FOXP4: variants seen among roughly 807,000 people sequenced by gnomAD.
FOXP4 encodes forkhead box protein P4.
In FOXP4, 25 loss-of-function variants were observed where a neutral mutation model predicts 82.6. The ratio of observed to expected loss-of-function variants is 0.30; its 90% CI spans 0.22 to 0.42. The LOEUF (loss-of-function observed/expected upper bound fraction) is 0.42. FOXP4 is among the 10% of genes least tolerant of loss of function. FOXP4 has a pLI of 1.00. For missense variants in FOXP4, 785 were observed against 900.9 expected (o/e 0.87, Z 1.65); for synonymous variants, 415 against 388.2 (o/e 1.07, Z -0.81).
intron 2 of FOXP4, among the ~76,000 whole-genome samples, chr6:41,568,583 G>A (rs1228024047): frequency 6.6e-6 from 1 of 152,196 alleles, no homozygotes; most frequent in Non-Finnish European, 1.5e-5. Context: ...GAAAAGCAAC[G>A]CTGCCCGCTG....
rs2127292353 is a variant in FOXP4 at position 41,546,809 on chromosome 6, C to A, written c.-75C>A. The A allele has an allele frequency of 6.7e-6, 1 of 148,578 alleles. No homozygotes were observed. Among genetic ancestry groups the A allele is most frequent in the Non-Finnish European group, 1.5e-5 (1 of 66,728 alleles). 9.2% of individuals were successfully genotyped at this position (148,578 alleles called of 1,614,324 possible). A position where few individuals can be genotyped will look rare whatever the true frequency, so the allele number is the denominator to read the frequency against. ...GGGCCCGGGCTGCGACCGGAGCGAG[C>A]CCCATGCCCCGCGCGGGCTGACGGG... is the stretch of plus-strand genomic sequence containing the variant. On this transcript the variant is annotated 5_prime_UTR_variant, in exon 1 of 17. Transcript: ENST00000307972.
chr6:41,571,049 C>G (rs1765171272), intron 2 of FOXP4, among the ~76,000 whole-genome samples: 1 of 152,202 alleles, frequency 6.6e-6, no homozygotes, highest in Non-Finnish European at 1.5e-5. Flanking sequence ...CCAGAGAACT[C>G]CACAGATACT....
intron 2 of FOXP4, among the ~76,000 whole-genome samples, chr6:41,573,701 C>T (rs1765323731): frequency 6.6e-6 from 1 of 152,188 alleles, no homozygotes; most frequent in Admixed American, 6.5e-5. Flanking sequence ...CACAGTCCCA[C>T]ATGCTGTTCC....
chr6:41,597,616 T>C (rs1289371011), intron 15 of FOXP4, among the ~76,000 whole-genome samples, 165 bp from the exon 16 acceptor site: 2 of 151,832 alleles, frequency 1.3e-5, no homozygotes, highest in Non-Finnish European at 2.9e-5. Flanking sequence ...GGTGCTACAT[T>C]CAAAGGCTGA....
rs1380744901 is a variant in FOXP4, at chr6:41,565,873, C to T, written c.113C>T (p.Thr38Ile). 6.2e-7 allele frequency: 1 copy of T among 1,613,980 alleles called. No individual in the cohort carries two copies. The highest frequency in any genetic ancestry group is 8.5e-7 in the Non-Finnish European group (1 of 1,180,030). Residue 38 changes from threonine to isoleucine, a missense_variant, in exon 2 of 17, where the codon ACT (threonine) becomes ATT (isoleucine). Around this residue, in one of 3 missense-constraint regions of FOXP4, gnomAD observed 570 missense variants for 634.0 expected, o/e 0.90. Coordinates refer to ENST00000307972, the MANE Select transcript of FOXP4 (RefSeq NM_001012426.2). ...AGCAGCGGCGGGGCCACAGGGACAA[C>T]TGCAAGTGGCACGGGCAGGGAAGTG... is the stretch of plus-strand genomic sequence containing the variant. ...DGSSGGATGT[T>I]ASGTGREVTT...
intron 1 of FOXP4, among the ~76,000 whole-genome samples, chr6:41,557,774 T>G (rs1204521589): frequency 1.3e-5 from 2 of 152,130 alleles, no homozygotes; most frequent in Non-Finnish European, 2.9e-5. Context: ...GGATTATGAG[T>G]ACTCTATTTT....
intron 14 of FOXP4, 149 bp from the exon 15 acceptor site, chr6:41,597,027 C>T (rs1297789420): frequency 1.3e-6 from 1 of 789,578 alleles, no homozygotes. Context: ...ACACACACAG[C>T]TCCAAGACAG....
At chr6:41,594,739 C>G (rs1450013023) in intron 13 of FOXP4, 131 bp from the exon 14 acceptor site, 2 of 1,399,274 alleles carry the variant, frequency 1.4e-6, no homozygotes, top group Non-Finnish European at 1.9e-6. Flanking sequence ...CAGCCCACCC[C>G]CCTCCCCTGC....
At position 41,558,784 on chromosome 6, in the gene FOXP4, A is replaced by T. The variant is rs764344091; in HGVS notation, c.-16-6961A>T. Among the ~76,000 whole-genome samples, 13 of 152,162 alleles carry T rather than the reference A, an allele frequency of 8.5e-5. No homozygotes were observed. Among genetic ancestry groups the T allele is most frequent in the Admixed American group, 1.3e-4 (2 of 15,276 alleles). On this transcript the variant is annotated intron_variant, in intron 1 of 16. Transcript: ENST00000307972. The surrounding 1 kb of genome is among the most constrained non-coding windows in gnomAD (Gnocchi z 4.0). ...CTGGTCCCTGGGACTTTGGATTGGG[A>T]AGCATCCTGCAGTTACTTGTAGGGC...
intron 5 of FOXP4, among the ~76,000 whole-genome samples, chr6:41,586,742 G>A (rs1766147609): frequency 6.6e-6 from 1 of 152,238 alleles, no homozygotes; most frequent in African/African-American, 2.4e-5. Flanking sequence ...GAGGCGGGAG[G>A]AGGGAGGGCG....
rs1486688348 is a variant in FOXP4, at chr6:41,595,003, C to T, written c.1658+12C>T. ...CCAAAGATGACAGGGTATGTGGGTCCAGAGCTGGATGGGCTGTACCTGCCC... is the reference window on the plus strand; with the variant it reads ...CCAAAGATGACAGGGTATGTGGGTCTAGAGCTGGATGGGCTGTACCTGCCC... On this transcript the variant is annotated intron_variant, in intron 14 of 16. Coordinates refer to ENST00000307972, the MANE Select transcript of FOXP4 (RefSeq NM_001012426.2). 2.5e-6 allele frequency: 4 copies of T among 1,613,738 alleles called. No individual in the cohort carries two copies. The highest frequency in any genetic ancestry group is 1.7e-5 in the Admixed American group (1 of 59,996).
At chr6:41,567,965 AC>A (rs927234064) in intron 2 of FOXP4, among the ~76,000 whole-genome samples, 13 of 152,332 alleles carry the variant, frequency 8.5e-5, no homozygotes, top group African/African-American at 2.9e-4. Context: ...CATATTTGAG[AC>A]TTAAAAAAGG....
chr6:41,574,179 A>G (rs779064541), intron 2 of FOXP4, among the ~76,000 whole-genome samples: 14 of 152,050 alleles, frequency 9.2e-5, no homozygotes, highest in Non-Finnish European at 1.3e-4. Flanking sequence ...CACCTCCACC[A>G]TCTTCACTTC....
intron 10 of FOXP4, 51 bp from the exon 11 acceptor site, chr6:41,589,912 G>A (rs780333802): frequency 8.7e-6 from 14 of 1,609,198 alleles, no homozygotes; most frequent in Admixed American, 3.3e-5. Context: ...CTGGAGCCTC[G>A]GGACCCCCAC....
At chr6:41,598,741 G>A in intron 16 of FOXP4, 48 bp from the exon 17 acceptor site, 3 of 1,548,654 alleles carry the variant, frequency 1.9e-6, no homozygotes, top group Non-Finnish European at 2.6e-6. Context: ...GGGGGCAGAG[G>A]GCATCAGAGG....
intron 4 of FOXP4, 111 bp from the exon 5 acceptor site, chr6:41,585,320 C>T (rs1473137069): frequency 9.0e-7 from 1 of 1,116,700 alleles, no homozygotes; most frequent in African/African-American, 1.6e-5. Flanking sequence ...AAAGCCAGAC[C>T]ATGTTTTAGG....
At chr6:41,581,885 C>A (rs1219430928) in intron 3 of FOXP4, among the ~76,000 whole-genome samples, 1 of 152,230 alleles carries the variant, frequency 6.6e-6, no homozygotes, top group African/African-American at 2.4e-5. Flanking sequence ...AAGGAAAGGC[C>A]ACATCCTTTT....
intron 2 of FOXP4, among the ~76,000 whole-genome samples, chr6:41,573,121 C>T (rs1765290117): frequency 6.6e-6 from 1 of 152,122 alleles, no homozygotes; most frequent in Non-Finnish European, 1.5e-5. Context: ...CGTCCCTGCC[C>T]TCCTGCACAC....
Position 41,578,339 on chromosome 6 carries a change from C to T in FOXP4, c.300+258C>T, listed in dbSNP as rs1467776319. On this transcript the variant is annotated intron_variant, in intron 3 of 16. Transcript: ENST00000307972. ...CACTCAAAGTTTGTCTGCAGCTCTC[C>T]CTGTCTCTTTGTACCTCTCTCACTG... Among the ~76,000 whole-genome samples, 3 of 152,192 alleles carry T rather than the reference C, an allele frequency of 2.0e-5. No individual in the cohort carries two copies. In the East Asian group the frequency reaches 5.8e-4, roughly 29 times the overall value.
Sources: allele counts gnomAD v4.1 joint callset (sites outside exome capture counted in the v4.1 genomes callset), GRCh38; gene constraint gnomAD v4.1.1; regional missense constraint gnomAD v4.1.1; non-coding constraint Gnocchi (gnomAD v3.1); transcripts MANE v1.5; gene names NCBI Gene and HGNC (gene_info 2026-07-23, HGNC 2026-07-21).